MAF: variants seen among roughly 807,000 people sequenced by gnomAD.
The protein encoded by MAF is transcription factor Maf.
In MAF, 10 loss-of-function variants were observed where a neutral mutation model predicts 22.0. The observed-to-expected ratio is 0.45, with a 90% CI of 0.28 to 0.77. The LOEUF is 0.77. MAF is among the 30% of genes least tolerant of loss of function. The probability of loss-of-function intolerance (pLI) is 0.12; values close to 1 mark genes in which losing one functional copy is unlikely to be tolerated. For synonymous variants in MAF, 337 were observed against 255.8 expected, an observed-to-expected ratio of 1.32 and a Z score of -3.03; for missense variants, 544 against 548.4, an observed-to-expected ratio of 0.99 and a Z score of 0.08.
At chr16:79,343,788 G>C in the MAF span, among the ~76,000 whole-genome samples, 1 of 152,122 alleles carries the variant, frequency 6.6e-6, no homozygotes, top group Non-Finnish European at 1.5e-5. Flanking sequence ...TTTGGCAACA[G>C]GTCTGAAAAT....
the MAF span, among the ~76,000 whole-genome samples, chr16:79,542,287 T>C: frequency 6.6e-6 from 1 of 152,272 alleles, no homozygotes; most frequent in Admixed American, 6.5e-5. Flanking sequence ...AGGAAAGCGG[T>C]TCTCAGCCAG....
At chr16:79,479,067 G>C in the MAF span, among the ~76,000 whole-genome samples, 1 of 150,314 alleles carries the variant, frequency 6.7e-6, no homozygotes, top group East Asian at 2.0e-4. Context: ...CACCACTCTA[G>C]CACATTGGTA....
At chr16:79,218,478 A>C in the MAF span, among the ~76,000 whole-genome samples, 8 of 152,276 alleles carry the variant, frequency 5.3e-5, 1 homozygote, top group Middle Eastern at 3.4e-3. Context: ...GAGTTCCTTG[A>C]TCCAACAGCT....
chr16:79,208,621 T>G, the MAF span, among the ~76,000 whole-genome samples: 2 of 119,012 alleles, frequency 1.7e-5, no homozygotes, highest in African/African-American at 3.6e-5. Context: ...GTGATTAAAG[T>G]GCTCTTTAAA....
At chr16:79,595,534 T>C in intron 1 of MAF, 2 of 1,059,984 alleles carry the variant, frequency 1.9e-6, no homozygotes, top group Non-Finnish European at 2.3e-6. Context: ...TGACTAAGAG[T>C]GCAAACTGCA....
the MAF span, among the ~76,000 whole-genome samples, chr16:79,512,550 C>T: frequency 4.6e-5 from 7 of 152,102 alleles, no homozygotes; most frequent in African/African-American, 7.2e-5. Context: ...CCCAGCTCAC[C>T]ATCTGAGCTG....
the MAF span, among the ~76,000 whole-genome samples, chr16:79,368,523 T>C: frequency 6.6e-6 from 1 of 152,090 alleles, no homozygotes; most frequent in African/African-American, 2.4e-5. Context: ...GACACAGAAG[T>C]ATTTGTGAAG....
the MAF span, among the ~76,000 whole-genome samples, chr16:79,265,320 C>G: frequency 6.6e-6 from 1 of 152,192 alleles, no homozygotes; most frequent in Non-Finnish European, 1.5e-5. Flanking sequence ...TCAGCCCTCT[C>G]TCTGAATTCT....
the MAF span, among the ~76,000 whole-genome samples, chr16:79,308,517 T>C: frequency 8.5e-5 from 13 of 152,050 alleles, no homozygotes; most frequent in Middle Eastern, 3.2e-3. Flanking sequence ...GACCAGCCAA[T>C]GAAATGAGGT....
chr16:79,240,080 G>C, the MAF span, among the ~76,000 whole-genome samples: 2 of 151,826 alleles, frequency 1.3e-5, no homozygotes, highest in Admixed American at 6.6e-5. Context: ...AACATCAAAG[G>C]GCTGGGCAAT....
In MAF at chr16:79,600,072, A is replaced by ACCC. The variant is rs554070629; in HGVS notation, c.-173_-171dup. 4.4e-5 allele frequency: 33 copies of ACCC among 746,468 alleles called. No homozygotes were observed. The highest frequency in any genetic ancestry group is 7.9e-4 in the Middle Eastern group (2 of 2,518). The allele number at this position is 746,468 out of a possible 1,614,324, so 46.2% of individuals were successfully genotyped here. ...AACCTCCGAGCGCGCTCACACACACACCCCCCCGCCCTGCCCGCGCCCCCC... is the reference window on the plus strand; with the variant it reads ...AACCTCCGAGCGCGCTCACACACACACCCCCCCCCCGCCCTGCCCGCGCCCCCC... On this transcript the variant is annotated 5_prime_UTR_variant, in exon 1 of 2. Coordinates refer to ENST00000326043, the MANE Select transcript of MAF (RefSeq NM_005360.5).
At chr16:79,409,483 T>G in the MAF span, among the ~76,000 whole-genome samples, 2 of 152,206 alleles carry the variant, frequency 1.3e-5, no homozygotes, top group Non-Finnish European at 2.9e-5. Context: ...TTCAGCTTGC[T>G]CGATAGCTTG....
At chr16:79,469,963 T>A in the MAF span, among the ~76,000 whole-genome samples, 1 of 152,238 alleles carries the variant, frequency 6.6e-6, no homozygotes, top group Admixed American at 6.5e-5. Flanking sequence ...TTTACAGACA[T>A]AAGTTATCTT....
chr16:79,506,162 T>C, the MAF span, among the ~76,000 whole-genome samples: 1 of 152,146 alleles, frequency 6.6e-6, no homozygotes, highest in Admixed American at 6.5e-5. Flanking sequence ...TTAATGATAG[T>C]CTAAAAATGT....
the MAF span, among the ~76,000 whole-genome samples, chr16:79,427,380 G>A: frequency 6.6e-6 from 1 of 152,136 alleles, no homozygotes; most frequent in African/African-American, 2.4e-5. Flanking sequence ...ACATCAACAG[G>A]GCTTGAACAG....
At chr16:79,278,671 T>C in the MAF span, among the ~76,000 whole-genome samples, 19 of 152,130 alleles carry the variant, frequency 1.2e-4, 1 homozygote, top group South Asian at 1.9e-3. Context: ...GTTTCGTGGG[T>C]AGAAGGCACT....
the MAF span, among the ~76,000 whole-genome samples, chr16:79,240,825 G>T: frequency 1.3e-5 from 2 of 151,970 alleles, no homozygotes; most frequent in Admixed American, 6.6e-5. Context: ...GTGCCCCTCT[G>T]GTACAAAGCT....
the MAF span, among the ~76,000 whole-genome samples, chr16:79,371,267 A>C: frequency 3.9e-5 from 6 of 152,264 alleles, no homozygotes; most frequent in Non-Finnish European, 5.9e-5. Context: ...AGTGTTTCAA[A>C]ATAAGAAGTG....
chr16:79,307,678 G>A, the MAF span, among the ~76,000 whole-genome samples: 34,990 of 152,102 alleles, frequency 0.23, 5,208 homozygotes, highest in Non-Finnish European at 0.34. Context: ...GGACTAATGT[G>A]CAAGATAACT....
Sources: gnomAD v4.1 joint callset for allele counts (sites outside exome capture counted in the v4.1 genomes callset) on GRCh38, gnomAD v4.1.1 for gene constraint, MANE v1.5 for transcripts, NCBI Gene and HGNC (gene_info 2026-07-23, HGNC 2026-07-21) for gene names.